Variants in MAP4 observed in about 807,000 individuals in gnomAD.
MAP4 encodes the protein microtubule-associated protein 4.
In MAP4, 76 loss-of-function variants were observed where a neutral mutation model predicts 170.2. That is an observed-to-expected ratio of 0.45 (90% CI 0.37 to 0.54). MAP4 has a LOEUF of 0.54. Among genes scored for constraint, MAP4 ranks in the 20% least tolerant of loss-of-function variants. The pLI, the probability that MAP4 is intolerant of heterozygous loss-of-function variation, is 0.00. For synonymous variants in MAP4, 909 were observed against 994.5 expected (o/e 0.91, Z 1.62); for missense variants, 2,506 against 2,748.0 (o/e 0.91, Z 1.97).
intron 3 of MAP4, among the ~76,000 whole-genome samples, chr3:47,941,833 T>C (rs555524616): frequency 6.6e-6 from 1 of 151,492 alleles, no homozygotes; most frequent in Admixed American, 6.6e-5. Context: ...TTCTTACTAA[T>C]CTCCTTCATT....
At chr3:47,887,397 A>G (rs1034425306) in intron 10 of MAP4, among the ~76,000 whole-genome samples, 10 of 152,308 alleles carry the variant, frequency 6.6e-5, no homozygotes, top group African/African-American at 1.9e-4. Context: ...GTGCCGGCCC[A>G]TAAGTGCTGC....
intron 2 of MAP4, among the ~76,000 whole-genome samples, chr3:47,996,096 G>A (rs1181851365): frequency 1.3e-5 from 2 of 152,194 alleles, no homozygotes; most frequent in Admixed American, 6.5e-5. Context: ...CAGACCTGGA[G>A]AAGGCCACCA....
chr3:48,002,021 T>C lies in MAP4; in HGVS notation c.-19-3142A>G, dbSNP rs191950804. Reference sequence around the variant, plus strand: ...TACTTGGAATTTGATGAAGTTCATTTAGGTCTCAAAAAATGTCAAAAGATA... The same window carrying C: ...TACTTGGAATTTGATGAAGTTCATTCAGGTCTCAAAAAATGTCAAAAGATA... On this transcript the variant is annotated intron_variant, in intron 1 of 20. Transcript: ENST00000683076. 3.0e-4 allele frequency among the ~76,000 whole-genome samples: 45 copies of C among 152,154 alleles called. 1 individual carries two copies. The highest frequency in any genetic ancestry group is 4.0e-4 in the Non-Finnish European group (27 of 68,008).
rs561218320 is a variant in MAP4 at position 47,918,061 on chromosome 3, CA to C, written c.652+657del. Among the ~76,000 whole-genome samples, 796 of 152,230 alleles carry C rather than the reference CA, an allele frequency of 5.2e-3. 5 individuals are homozygous for C. The highest frequency in any genetic ancestry group is 0.013 in the African/African-American group (550 of 41,526). ...GCAGTGGCGCAATCTCGGCTGACAG[CA>C]ACCTCTGCCTTCCGGTTTCAAGTGA... On this transcript the variant is annotated intron_variant, in intron 6 of 20. Transcript: ENST00000683076.
chr3:47,909,919 G>T lies in MAP4; in HGVS notation c.4502C>A (p.Pro1501His). ...ERPKGPSAVV[P>H]STSTGGVALP... ...AGCAACTCCTCCTGTGCTTGTAGAG[G>T]GCACAACAGCAGAGGGACCCTTGGG... The change falls in exon 9 of 21, where the codon CCC (proline) becomes CAC (histidine). Residue 1501 changes from proline to histidine, a missense_variant. Physicochemically the swap from Pro to His is moderately conservative, Grantham distance 77. Transcript: ENST00000683076. 2 of 1,613,972 alleles carry T rather than the reference G, an allele frequency of 1.2e-6. No individual in the cohort carries two copies. Among genetic ancestry groups the T allele is most frequent in the South Asian group, 2.2e-5 (2 of 91,076 alleles).
intron 4 of MAP4, among the ~76,000 whole-genome samples, chr3:47,925,747 T>C (rs144867036): frequency 9.1e-4 from 139 of 152,326 alleles, no homozygotes; most frequent in African/African-American, 3.2e-3. Flanking sequence ...GGGTGATATT[T>C]AAAAGGTACA....
chr3:48,082,425 G>A (rs2100147065), intron 1 of MAP4, among the ~76,000 whole-genome samples: 3 of 152,164 alleles, frequency 2.0e-5, no homozygotes, highest in African/African-American at 7.2e-5. Context: ...ATATGACTTG[G>A]TGACTCATTT....
chr3:47,867,221 C>A (rs1257733442), intron 17 of MAP4, 25 bp downstream of exon 17: 5 of 1,536,362 alleles, frequency 3.3e-6, no homozygotes, highest in Non-Finnish European at 3.6e-6. Context: ...ATCTCAGATG[C>A]CAGCTAACCA....
At chr3:47,905,334 C>T (rs764110571) in intron 9 of MAP4, among the ~76,000 whole-genome samples, 3 of 151,978 alleles carry the variant, frequency 2.0e-5, no homozygotes, top group Non-Finnish European at 4.4e-5. Flanking sequence ...TGGGCTAGCC[C>T]TATTAGATAT....
chr3:48,087,726 C>T (rs1304311440), intron 1 of MAP4, among the ~76,000 whole-genome samples: 1 of 137,716 alleles, frequency 7.3e-6, no homozygotes, highest in South Asian at 2.4e-4. Flanking sequence ...TACACACGCA[C>T]GCGCACACAC....
chr3:48,076,461 C>T (rs377096640), intron 1 of MAP4, among the ~76,000 whole-genome samples: 1 of 151,196 alleles, frequency 6.6e-6, no homozygotes, highest in Non-Finnish European at 1.5e-5. Context: ...GAGATCGCAC[C>T]ACTGCACTCC....
At chr3:47,958,602 C>A (rs372247908) in intron 3 of MAP4, among the ~76,000 whole-genome samples, 113 of 152,104 alleles carry the variant, frequency 7.4e-4, no homozygotes, top group African/African-American at 2.7e-3. Flanking sequence ...CTGCAACCTC[C>A]GCCTCCCAGC....
upstream of MAP4, among the ~76,000 whole-genome samples, chr3:48,017,651 T>C (rs2100108457): frequency 6.6e-6 from 1 of 152,156 alleles, no homozygotes; most frequent in East Asian, 1.9e-4. Context: ...CTGTACACCC[T>C]ATGCTCATTT....
chr3:47,855,156 C>CGGT lies in MAP4; in HGVS notation c.6696+89_6696+91dup. On this transcript the variant is annotated intron_variant, in intron 19 of 20. Transcript: ENST00000683076. The surrounding 1 kb of genome is among the most constrained non-coding windows in gnomAD (Gnocchi z 5.1). ...CATGACTCCTGAAGAGACTGAGGGG[C>CGGT]GGTGACAGGTGCCTACCTGTGAGGA... 1.3e-6 allele frequency: 1 copy of CGGT among 794,344 alleles called. No individual in the cohort carries two copies. Among genetic ancestry groups the CGGT allele is most frequent in the Non-Finnish European group, 2.2e-6 (1 of 451,232 alleles). 49.2% of individuals were successfully genotyped at this position (794,344 alleles called of 1,614,324 possible). A position where few individuals can be genotyped will look rare whatever the true frequency, so the allele number is the denominator to read the frequency against.
chr3:47,911,549 C>A lies in MAP4; in HGVS notation c.2872G>T (p.Gly958Cys). 6.5e-7 allele frequency: 1 copy of A among 1,535,978 alleles called. No individual in the cohort carries two copies. Among genetic ancestry groups the A allele is most frequent in the Non-Finnish European group, 8.7e-7 (1 of 1,146,880 alleles). The change falls in exon 9 of 21, where the codon GGT becomes TGT. Residue 958 changes from glycine (G) to cysteine (C), a missense_variant. By Grantham distance (159) the Gly-to-Cys change is radical. Transcript: ENST00000683076. This position sits in a 1 kb window ranked among gnomAD's most constrained non-coding sequence, Gnocchi z 4.0. Reference sequence around the variant, plus strand: ...GCTGCTGTGGGTTTTGAAACTACACCCATAACCTCTTGGTCCAAGAAAGGA... The same window carrying A: ...GCTGCTGTGGGTTTTGAAACTACACACATAACCTCTTGGTCCAAGAAAGGA... ...CSPFLDQEVM[G>C]VVSKPTAAKE...
At chr3:48,009,753 C>G (rs2100104291) in intron 1 of MAP4, among the ~76,000 whole-genome samples, 1 of 152,186 alleles carries the variant, frequency 6.6e-6, no homozygotes, top group Non-Finnish European at 1.5e-5. Context: ...TGGCACCACT[C>G]ACCATCACCC....
At chr3:47,900,599 G>A (rs557492404) in intron 10 of MAP4, among the ~76,000 whole-genome samples, 12 of 152,152 alleles carry the variant, frequency 7.9e-5, no homozygotes, top group African/African-American at 1.4e-4. Context: ...AGCTGGGTGC[G>A]GTGGTGTGCA....
At position 47,996,409 on chromosome 3, in the gene MAP4, C is replaced by A. The variant is rs535691860; in HGVS notation, c.223+2229G>T. Among the ~76,000 whole-genome samples, 9 of 152,170 alleles carry A rather than the reference C, an allele frequency of 5.9e-5. No individual in the cohort carries two copies. In the South Asian group the frequency reaches 1.9e-3, roughly 32 times the overall value. On this transcript the variant is annotated intron_variant, in intron 2 of 20. Coordinates refer to ENST00000683076, the MANE Select transcript of MAP4 (RefSeq NM_001385682.1). ...ACAATAAAAAAACAAACTCTGCCTG[C>A]CACCTGGCTAGAACTCTTCCGATAA...
At chr3:47,857,283 C>G (rs978225153) in intron 18 of MAP4, 148 bp downstream of exon 18, 4 of 659,190 alleles carry the variant, frequency 6.1e-6, no homozygotes, top group Non-Finnish European at 1.1e-5. Context: ...TGCTCCCTGA[C>G]AGAATGAGGA....
Sources: gnomAD v4.1 joint callset for allele counts (sites outside exome capture counted in the v4.1 genomes callset) on GRCh38, gnomAD v4.1.1 for gene constraint, Gnocchi (gnomAD v3.1) non-coding constraint, MANE v1.5 for transcripts, NCBI Gene and HGNC (gene_info 2026-07-23, HGNC 2026-07-21) for gene names.